The following DOCK2 variants were observed in gnomAD, a reference collection of about 807,000 sequenced individuals.
The protein encoded by DOCK2 is dedicator of cytokinesis protein 2.
A neutral mutation model predicts 248.9 loss-of-function variants in DOCK2; 87 were observed. The ratio of observed to expected loss-of-function variants is 0.35; its 90% CI spans 0.29 to 0.42. The LOEUF (loss-of-function observed/expected upper bound fraction) is 0.42, where lower values mean the gene tolerates loss of function less well. Ranked by LOEUF, DOCK2 falls within the 10% of genes least tolerant of loss-of-function variation. DOCK2 has a pLI of 1.00. For synonymous variants in DOCK2, 805 were observed against 821.6 expected, an observed-to-expected ratio of 0.98 and a Z score of 0.35; for missense variants, 1,747 against 2,300.2, an observed-to-expected ratio of 0.76 and a Z score of 4.92.
chr5:169,828,402 C>T (rs39823), intron 26 of DOCK2, among the ~76,000 whole-genome samples: 23,276 of 152,130 alleles, frequency 0.15, 2,160 homozygotes, highest in East Asian at 0.38. Context: ...TTCATGAGAT[C>T]GGCCTCCCAG....
intron 33 of DOCK2, among the ~76,000 whole-genome samples, chr5:170,026,262 C>T (rs889250094): frequency 3.9e-5 from 6 of 152,266 alleles, no homozygotes; most frequent in Middle Eastern, 3.4e-3. Context: ...AGGAAAGAGC[C>T]TGCCAAAGGT....
At chr5:169,694,736 T>C (rs1441724863) in intron 9 of DOCK2, among the ~76,000 whole-genome samples, 4 of 152,022 alleles carry the variant, frequency 2.6e-5, no homozygotes, top group Non-Finnish European at 4.4e-5. Context: ...TCCCAGCACT[T>C]TCGGAGGCTG....
At chr5:169,686,756 T>C (rs1760008987) in intron 8 of DOCK2, among the ~76,000 whole-genome samples, 1 of 152,182 alleles carries the variant, frequency 6.6e-6, no homozygotes, top group Non-Finnish European at 1.5e-5. Context: ...AGGATCGATG[T>C]TTTAATGTTG....
chr5:169,704,644 T>G (rs1761147576), intron 14 of DOCK2, among the ~76,000 whole-genome samples: 1 of 152,040 alleles, frequency 6.6e-6, no homozygotes, highest in Non-Finnish European at 1.5e-5. Context: ...AAGAGTATGA[T>G]TGGATTGTTT....
chr5:169,693,138 G>T (rs564754891), intron 9 of DOCK2, among the ~76,000 whole-genome samples: 19 of 152,248 alleles, frequency 1.2e-4, no homozygotes, highest in African/African-American at 4.3e-4. Context: ...CTAATTTGAG[G>T]AGAGAAGGTA....
chr5:169,925,579 T>TAAA lies in DOCK2; in HGVS notation c.2800-57465_2800-57463dup, dbSNP rs34833916. ...TGGGCGACAGAGCAAGACTCTGTCT[T>TAAA]AAAAAAAAAAAAAAAAAAAAAAAAA... On this transcript the variant is annotated intron_variant, in intron 27 of 51. Transcript: ENST00000520908. 3.1e-3 allele frequency among the ~76,000 whole-genome samples: 245 copies of TAAA among 80,256 alleles called. 8 individuals are homozygous for TAAA. The highest frequency in any genetic ancestry group is 9.4e-3 in the African/African-American group (182 of 19,456). The allele number at this position is 80,256 out of a possible 152,430, so 52.7% of individuals were successfully genotyped here.
intron 46 of DOCK2, among the ~76,000 whole-genome samples, chr5:170,069,897 C>A (rs1488937215): frequency 6.6e-6 from 1 of 152,074 alleles, no homozygotes; most frequent in African/African-American, 2.4e-5. Flanking sequence ...GTCTGTCTTT[C>A]CCTCTCTCTC....
At chr5:169,979,783 A>T (rs1777875926) in intron 27 of DOCK2, among the ~76,000 whole-genome samples, 1 of 152,226 alleles carries the variant, frequency 6.6e-6, no homozygotes, top group Admixed American at 6.5e-5. Flanking sequence ...TAAGAAATTA[A>T]CAAGCTGGTA....
Position 170,022,634 on chromosome 5 carries a change from G to A in DOCK2, c.3381+3526G>A, listed in dbSNP as rs371361717. ...GCCTTAGGTGGACCCCATTGTGGCC[G>A]GCTTGGCCAGGACACATGCTAGTCA... On this transcript the variant is annotated intron_variant, in intron 33 of 51. Coordinates refer to ENST00000520908, the MANE Select transcript of DOCK2 (RefSeq NM_004946.3). Among the ~76,000 whole-genome samples, 185 of 152,194 alleles carry A rather than the reference G, an allele frequency of 1.2e-3. 1 individual carries two copies. Among genetic ancestry groups the A allele is most frequent in the South Asian group, 9.8e-3 (47 of 4,816 alleles).
At chr5:169,963,242 C>T (rs542036576) in intron 27 of DOCK2, among the ~76,000 whole-genome samples, 13 of 152,132 alleles carry the variant, frequency 8.5e-5, no homozygotes, top group Non-Finnish European at 1.9e-4. Context: ...CAGTTTATGT[C>T]CATGAACTGA....
At chr5:169,825,539 A>C (rs1473055348) in intron 26 of DOCK2, among the ~76,000 whole-genome samples, 2 of 142,374 alleles carry the variant, frequency 1.4e-5, no homozygotes, top group Non-Finnish European at 3.0e-5. Flanking sequence ...CAAACACCGC[A>C]TGTTCTCATT....
chr5:170,060,413 G>A (rs558807975), intron 44 of DOCK2, among the ~76,000 whole-genome samples: 1 of 152,162 alleles, frequency 6.6e-6, no homozygotes, highest in South Asian at 2.1e-4. Flanking sequence ...AAGGGCTGTG[G>A]CAAAGTGCAG....
At chr5:169,903,531 G>T (rs1290455847) in intron 27 of DOCK2, among the ~76,000 whole-genome samples, 7 of 151,734 alleles carry the variant, frequency 4.6e-5, no homozygotes, top group African/African-American at 1.7e-4. Flanking sequence ...GCGGGGGCCG[G>T]GGGGCAGGGG....
At chr5:169,686,360 C>A (rs570106286) in intron 8 of DOCK2, among the ~76,000 whole-genome samples, 13 of 152,300 alleles carry the variant, frequency 8.5e-5, no homozygotes, top group Admixed American at 8.5e-4. Context: ...CATGAATCAG[C>A]GAGGTGGCAG....
chr5:169,954,655 A>G (rs1212539397), intron 27 of DOCK2, among the ~76,000 whole-genome samples: 3 of 152,254 alleles, frequency 2.0e-5, no homozygotes, highest in Non-Finnish European at 2.9e-5. Context: ...AATATAGTGC[A>G]GTTTGGTTCT....
chr5:169,802,609 T>C (rs1348718349), intron 25 of DOCK2, among the ~76,000 whole-genome samples: 1 of 152,208 alleles, frequency 6.6e-6, no homozygotes. Flanking sequence ...CAGAGTAATA[T>C]ATACATCATG....
rs1475669354 is a variant in DOCK2, at chr5:169,700,050, T to C, written c.1169T>C (p.Ile390Thr). The change falls in exon 13 of 52, where the codon ATC (isoleucine) becomes ACC (threonine). Residue 390 changes from isoleucine (I) to threonine (T), a missense_variant. Physicochemically the swap from Ile to Thr is moderately conservative, Grantham distance 89. Coordinates refer to ENST00000520908, the MANE Select transcript of DOCK2 (RefSeq NM_004946.3). ...WVTMKMLVGD[I>T]IQIRKDYPHL... ...ACCATGAAGATGCTGGTGGGTGACA[T>C]CATTCAGATTCGCAAGGACTATCCA... 3.1e-6 allele frequency: 5 copies of C among 1,613,962 alleles called. No individual in the cohort carries two copies. Among genetic ancestry groups the C allele is most frequent in the Non-Finnish European group, 4.2e-6 (5 of 1,179,908 alleles).
chr5:169,956,536 C>T (rs1156978063), intron 27 of DOCK2, among the ~76,000 whole-genome samples: 1 of 152,182 alleles, frequency 6.6e-6, no homozygotes, highest in African/African-American at 2.4e-5. Flanking sequence ...TGTAAGTGAA[C>T]AGAGAGAAAG....
At chr5:169,987,658 C>T (rs1413869754) in intron 29 of DOCK2, among the ~76,000 whole-genome samples, 1 of 152,116 alleles carries the variant, frequency 6.6e-6, no homozygotes. Flanking sequence ...TTCATTCAAA[C>T]TTTAGTCATT....
Sources: allele counts gnomAD v4.1 joint callset (sites outside exome capture counted in the v4.1 genomes callset), GRCh38; gene constraint gnomAD v4.1.1; transcripts MANE v1.5; gene names NCBI Gene and HGNC (gene_info 2026-07-23, HGNC 2026-07-21).